The following MEGF8 variants were observed in gnomAD, a reference collection of about 807,000 sequenced individuals.
MEGF8 encodes multiple epidermal growth factor-like domains protein 8.
In MEGF8, 156 loss-of-function variants were observed where a neutral mutation model predicts 302.9. The observed-to-expected ratio is 0.52, with a 90% confidence interval of 0.45 to 0.59. The LOEUF is 0.59. MEGF8 is among the 20% of genes least tolerant of loss of function. The pLI, the probability that MEGF8 is intolerant of heterozygous loss-of-function variation, is 0.00. For missense variants in MEGF8, 3,345 were observed against 3,964.5 expected, an observed-to-expected ratio of 0.84 and a Z score of 4.20; for synonymous variants, 1,621 against 1,660.5, an observed-to-expected ratio of 0.98 and a Z score of 0.58.
At chr19:42,328,844 C>T (rs749867628) in intron 1 of MEGF8, among the ~76,000 whole-genome samples, 14 of 151,666 alleles carry the variant, frequency 9.2e-5, no homozygotes, top group Non-Finnish European at 1.6e-4. Flanking sequence ...GAGCGAGACT[C>T]TACCTCAAAA....
At chr19:42,340,537 G>GT (rs1384523071) in intron 8 of MEGF8, among the ~76,000 whole-genome samples, 4 of 151,314 alleles carry the variant, frequency 2.6e-5, no homozygotes, top group African/African-American at 9.7e-5. Flanking sequence ...CCTAATTTTT[G>GT]TATTTTTTTA....
At chr19:42,341,383 C>G (rs955951771) in intron 8 of MEGF8, among the ~76,000 whole-genome samples, 3 of 143,490 alleles carry the variant, frequency 2.1e-5, no homozygotes, top group African/African-American at 7.9e-5. Context: ...GAGCCAAGAT[C>G]GTGCCACTGC....
chr19:42,343,743 A>G, intron 9 of MEGF8, 112 bp downstream of exon 9: 1 of 1,399,876 alleles, frequency 7.1e-7, no homozygotes, highest in South Asian at 1.4e-5. Context: ...GGGGATCCCT[A>G]GGACCATGAG....
intron 1 of MEGF8, among the ~76,000 whole-genome samples, chr19:42,331,918 G>A (rs919175142): frequency 6.6e-6 from 1 of 150,868 alleles, no homozygotes; most frequent in Non-Finnish European, 1.5e-5. Context: ...GAGTGCAGTG[G>A]TGCAATCTTG....
intron 35 of MEGF8, among the ~76,000 whole-genome samples, chr19:42,363,912 T>A (rs2147499294): frequency 6.6e-6 from 1 of 152,346 alleles, no homozygotes; most frequent in Middle Eastern, 3.4e-3. Flanking sequence ...GATTGCAGCC[T>A]TGACTCCCAG....
chr19:42,348,200 T>C, intron 12 of MEGF8, 72 bp from the exon 13 acceptor site: 1 of 1,380,052 alleles, frequency 7.2e-7, no homozygotes, highest in South Asian at 1.4e-5. Context: ...GGTTGACCAG[T>C]CTTTTCTGGC....
rs1404958204 is a variant in MEGF8 at position 42,351,921 on chromosome 19, T to C, written c.3101+160T>C. On this transcript the variant is annotated intron_variant, in intron 18 of 41. Transcript: ENST00000251268. This position sits in a 1 kb window ranked among gnomAD's most constrained non-coding sequence, Gnocchi z 5.6. ...TGTTGTTTATTTTACCCTCCCGCTCTTTTTTCTCCATTTTTCCTCCTTTTC... is the reference window on the plus strand; with the variant it reads ...TGTTGTTTATTTTACCCTCCCGCTCCTTTTTCTCCATTTTTCCTCCTTTTC... 1.3e-5 allele frequency among the ~76,000 whole-genome samples: 2 copies of C among 152,202 alleles called. No individual in the cohort carries two copies. Among genetic ancestry groups the C allele is most frequent in the Non-Finnish European group, 2.9e-5 (2 of 68,042 alleles).
chr19:42,351,088 G>C lies in MEGF8; in HGVS notation c.2737-128G>C. ...TCGAAGGGAGGGGTCCAGAGACGCA[G>C]GCAGCTGGGGAGGGAGATGGCCTTA... On this transcript the variant is annotated intron_variant, in intron 15 of 41. Transcript: ENST00000251268. This position sits in a 1 kb window ranked among gnomAD's most constrained non-coding sequence, Gnocchi z 5.6. 8 of 819,066 alleles carry C rather than the reference G, an allele frequency of 9.8e-6. No individual in the cohort carries two copies. The highest frequency in any genetic ancestry group is 1.5e-5 in the Non-Finnish European group (8 of 519,566). 50.7% of individuals were successfully genotyped at this position (819,066 alleles called of 1,614,324 possible).
At chr19:42,370,618 G>T in intron 39 of MEGF8, 83 bp from the exon 40 acceptor site, 1 of 1,472,274 alleles carries the variant, frequency 6.8e-7, no homozygotes, top group South Asian at 1.3e-5. Flanking sequence ...GGGAGGAGTG[G>T]GTAGGAGCCT....
intron 12 of MEGF8, among the ~76,000 whole-genome samples, chr19:42,347,492 A>G: frequency 1.3e-5 from 2 of 149,298 alleles, no homozygotes; most frequent in South Asian, 2.1e-4. Flanking sequence ...TGTTTTTTGT[A>G]TTTTTTTTGT....
chr19:42,359,773 C>T (rs144177659), intron 31 of MEGF8, among the ~76,000 whole-genome samples: 2 of 152,208 alleles, frequency 1.3e-5, no homozygotes, highest in African/African-American at 4.8e-5. Context: ...TAGCCTCTGC[C>T]TCCAAGGCTC....
Position 42,344,530 on chromosome 19 carries a change from G to A in MEGF8, c.1878G>A (p.Arg626=). ...TCAGCAGCCCCACAGCCCCTCCACG[G>A]GGACCTGGCACCCTGGGCTGGTGCG... ...LAFSSPTAPP[R]GPGTLGWCVH... is the part of the protein sequence containing the mutation. The change falls in exon 11 of 42, where the codon CGG becomes CGA. Residue 626 remains arginine (R), a synonymous_variant. Coordinates refer to ENST00000251268, the MANE Select transcript of MEGF8 (RefSeq NM_001271938.2). The surrounding 1 kb of genome is among the most constrained non-coding windows in gnomAD (Gnocchi z 4.5). 6.2e-7 allele frequency: 1 copy of A among 1,600,116 alleles called. No homozygotes were observed. Among genetic ancestry groups the A allele is most frequent in the Non-Finnish European group, 8.5e-7 (1 of 1,179,214 alleles).
chr19:42,336,424 C>T lies in MEGF8; in HGVS notation c.1244+78C>T. On this transcript the variant is annotated intron_variant, in intron 6 of 41. Coordinates refer to ENST00000251268, the MANE Select transcript of MEGF8 (RefSeq NM_001271938.2). This position sits in a 1 kb window ranked among gnomAD's most constrained non-coding sequence, Gnocchi z 4.8. ...CCATAGGCCTTTAGTCTTTAGAGGT[C>T]TTTGCCCACTGTCGGACTCCTGTGG... The T allele has an allele frequency of 1.4e-6, 2 of 1,405,554 alleles. No homozygotes were observed. The highest frequency in any genetic ancestry group is 1.9e-6 in the Non-Finnish European group (2 of 1,061,178). The allele number at this position is 1,405,554 out of a possible 1,614,324, so 87.1% of individuals were successfully genotyped here.
chr19:42,359,249 C>T lies in MEGF8; in HGVS notation c.5488+7C>T. Reference sequence around the variant, plus strand: ...CTTCTGCCCGACCTCACCCGTAAGTCCCCATTGTGGCTCCCAGGAGGCTGA... The same window carrying T: ...CTTCTGCCCGACCTCACCCGTAAGTTCCCATTGTGGCTCCCAGGAGGCTGA... On this transcript the variant is annotated splice_region_variant and intron_variant, in intron 31 of 41. Transcript: ENST00000251268. 1 of 1,546,524 alleles carries T rather than the reference C, an allele frequency of 6.5e-7. No individual in the cohort carries two copies. The highest frequency in any genetic ancestry group is 1.4e-5 in the African/African-American group (1 of 72,390).
chr19:42,347,564 C>G (rs2039308847), intron 12 of MEGF8, among the ~76,000 whole-genome samples: 1 of 151,948 alleles, frequency 6.6e-6, no homozygotes, highest in Admixed American at 6.6e-5. Context: ...GCAATCTCGG[C>G]TCAGTGCAAC....
At chr19:42,370,038 G>C in intron 38 of MEGF8, 151 bp from the exon 39 acceptor site, 1 of 888,136 alleles carries the variant, frequency 1.1e-6, no homozygotes, top group Non-Finnish European at 1.7e-6. Context: ...AAGGGAAGGC[G>C]GGGGCTAAAT....
At chr19:42,337,038 C>G (rs756203011) in intron 7 of MEGF8, 46 bp from the exon 8 acceptor site, 47 of 1,612,658 alleles carry the variant, frequency 2.9e-5, no homozygotes, top group South Asian at 1.9e-4. Context: ...GGAGTCCCCC[C>G]ACCTCCCCTA....
At position 42,352,811 on chromosome 19, in the gene MEGF8, C is replaced by A; in HGVS notation, c.3351-117C>A. 1.2e-6 allele frequency: 1 copy of A among 831,756 alleles called. No homozygotes were observed. The highest frequency in any genetic ancestry group is 1.7e-5 in the African/African-American group (1 of 58,684). 51.5% of individuals were successfully genotyped at this position (831,756 alleles called of 1,614,324 possible). On this transcript the variant is annotated intron_variant, in intron 19 of 41. Coordinates refer to ENST00000251268, the MANE Select transcript of MEGF8 (RefSeq NM_001271938.2). This position sits in a 1 kb window ranked among gnomAD's most constrained non-coding sequence, Gnocchi z 4.4. ...TGGAGACAGGGTCACCCACATAGCCCAAAACCATGGAAACAGCCAGTGGCT... is the reference window on the plus strand; with the variant it reads ...TGGAGACAGGGTCACCCACATAGCCAAAAACCATGGAAACAGCCAGTGGCT...
Position 42,358,303 on chromosome 19 carries a change from C to A in MEGF8, c.5171C>A (p.Ala1724Glu). 1 of 1,600,928 alleles carries A rather than the reference C, an allele frequency of 6.2e-7. No individual in the cohort carries two copies. The highest frequency in any genetic ancestry group is 1.1e-5 in the South Asian group (1 of 88,456). Residue 1724 changes from alanine to glutamate, a missense_variant, in exon 29 of 42, where the codon GCA becomes GAA. Coordinates refer to ENST00000251268, the MANE Select transcript of MEGF8 (RefSeq NM_001271938.2). This position sits in a 1 kb window ranked among gnomAD's most constrained non-coding sequence, Gnocchi z 4.4. ...TWSLLAPSQG[A>E]KRDRMRNVRG... ...AGTCTGCTGGCCCCTTCTCAGGGGG[C>A]AAAGGTCAGGAAAAGAGGCTCAGAC...
Sources: gnomAD v4.1 joint callset for allele counts (sites outside exome capture counted in the v4.1 genomes callset) on GRCh38, gnomAD v4.1.1 for gene constraint, Gnocchi (gnomAD v3.1) non-coding constraint, MANE v1.5 for transcripts, NCBI Gene and HGNC (gene_info 2026-07-23, HGNC 2026-07-21) for gene names.